Variants in MANEA observed in about 807,000 individuals in gnomAD.
MANEA encodes the protein mannosidase endo-alpha.
MANEA carries 25 observed loss-of-function variants against 36.8 expected under a neutral mutation model. That is an observed-to-expected ratio of 0.68 (90% CI 0.50 to 0.95). The LOEUF is 0.95. Ranked by LOEUF, MANEA falls within the 40% of genes least tolerant of loss-of-function variation. The probability of loss-of-function intolerance (pLI) is 0.00; values close to 1 mark genes in which losing one functional copy is unlikely to be tolerated. For missense variants in MANEA, 565 were observed against 558.8 expected, an observed-to-expected ratio of 1.01 and a Z score of -0.11; for synonymous variants, 198 against 188.5, an observed-to-expected ratio of 1.05 and a Z score of -0.41.
chr6:95,586,478 A>C lies in MANEA; in HGVS notation c.39A>C (p.Ala13=), dbSNP rs1582220990. The stretch of plus-strand genomic sequence containing the variant: ...GGAGAAGGACTTGCATCATTTTGGC[A>C]CTTTTTATTCTATTTATTTTCTCTC... The part of the protein sequence containing the change: ...KFRRRTCIIL[A]LFILFIFSLM... The change falls in exon 2 of 5, where the codon GCA becomes GCC. Residue 13 remains alanine (A), a synonymous_variant. Coordinates refer to ENST00000358812, the MANE Select transcript of MANEA (RefSeq NM_024641.4). 17 of 1,611,438 alleles carry C rather than the reference A, an allele frequency of 1.1e-5. No homozygotes were observed. In the East Asian group the frequency reaches 3.8e-4, roughly 36 times the overall value.
At chr6:95,580,057 G>A (rs898977968) in intron 1 of MANEA, among the ~76,000 whole-genome samples, 5 of 152,050 alleles carry the variant, frequency 3.3e-5, no homozygotes, top group African/African-American at 1.2e-4. Flanking sequence ...CATCTCAAGG[G>A]TCATTGTGGT....
intron 2 of MANEA, among the ~76,000 whole-genome samples, chr6:95,595,283 T>G (rs371603176): frequency 1.2e-4 from 19 of 152,330 alleles, no homozygotes; most frequent in African/African-American, 4.3e-4. Flanking sequence ...CTTACAAGAT[T>G]GTAAGTGATC....
chr6:95,597,363 C>A, intron 3 of MANEA, among the ~76,000 whole-genome samples: 1 of 151,904 alleles, frequency 6.6e-6, no homozygotes, highest in African/African-American at 2.4e-5. Flanking sequence ...ACACTTCTGA[C>A]AGTCTTAAGA....
chr6:95,607,834 TA>T lies in MANEA; in HGVS notation c.*1431del, dbSNP rs1285065880. The T allele has an allele frequency of 5.3e-5, 8 of 151,668 alleles. No individual in the cohort carries two copies. The East Asian group carries it at 1.5e-3, about 29-fold the overall frequency. 9.4% of individuals were successfully genotyped at this position (151,668 alleles called of 1,614,324 possible). On this transcript the variant is annotated 3_prime_UTR_variant, in exon 5 of 5. Coordinates refer to ENST00000358812, the MANE Select transcript of MANEA (RefSeq NM_024641.4). The stretch of plus-strand genomic sequence containing the variant: ...TGTTCCATTAAGAAGAGCAATAGAA[TA>T]ATGCTAAAAAATAATGCCTATAAAT...
chr6:95,589,343 A>T (rs1324958384), intron 2 of MANEA, among the ~76,000 whole-genome samples: 2 of 152,046 alleles, frequency 1.3e-5, no homozygotes, highest in Non-Finnish European at 2.9e-5. Context: ...TACATATTTA[A>T]CATTCATATT....
rs1562196107 is a variant in MANEA, at chr6:95,586,477, C to A, written c.38C>A (p.Ala13Glu). 6.2e-7 allele frequency: 1 copy of A among 1,611,168 alleles called. No homozygotes were observed. The highest frequency in any genetic ancestry group is 2.2e-5 in the East Asian group (1 of 44,824). ...CGGAGAAGGACTTGCATCATTTTGG[C>A]ACTTTTTATTCTATTTATTTTCTCT... is the stretch of plus-strand genomic sequence containing the variant. The part of the protein sequence containing the change: ...KFRRRTCIIL[A>E]LFILFIFSLM... Residue 13 changes from alanine (A) to glutamate (E), a missense_variant, in exon 2 of 5, where the codon GCA becomes GAA. By Grantham distance (107) the Ala-to-Glu change is moderately radical. Coordinates refer to ENST00000358812, the MANE Select transcript of MANEA (RefSeq NM_024641.4).
chr6:95,606,344 C>A lies in MANEA; in HGVS notation c.1328C>A (p.Ser443Tyr). The A allele has an allele frequency of 6.2e-7, 1 of 1,607,570 alleles. No individual in the cohort carries two copies. Among genetic ancestry groups the A allele is most frequent in the Non-Finnish European group, 8.5e-7 (1 of 1,179,786 alleles). ...TACCTAGAACTGACTCGCAAGTGGT[C>A]TGAAAAATACAGTAAGGAAAGAGCA... ...GLYLELTRKW[S>Y]EKYSKERATY... Residue 443 changes from serine to tyrosine, a missense_variant, in exon 5 of 5, where the codon TCT (serine) becomes TAT (tyrosine). Ser to Tyr is a moderately radical substitution (Grantham distance 144). Coordinates refer to ENST00000358812, the MANE Select transcript of MANEA (RefSeq NM_024641.4).
chr6:95,590,171 A>G (rs1769362093), intron 2 of MANEA: 1 of 152,188 alleles, frequency 6.6e-6, no homozygotes. Flanking sequence ...GCAAAACTGT[A>G]AGGTAATAAA....
At position 95,607,684 on chromosome 6, in the gene MANEA, C is replaced by G. The variant is rs939433604; in HGVS notation, c.*1279C>G. On this transcript the variant is annotated 3_prime_UTR_variant, in exon 5 of 5. Transcript: ENST00000358812. Reference sequence around the variant, plus strand: ...ACTTGTCATGTTGTGACAAATTGATCACTTGTGTACGAAAAATAAATCTCC... The same window carrying G: ...ACTTGTCATGTTGTGACAAATTGATGACTTGTGTACGAAAAATAAATCTCC... 2.0e-5 allele frequency: 3 copies of G among 151,622 alleles called. No individual in the cohort carries two copies. The highest frequency in any genetic ancestry group is 2.0e-4 in the Admixed American group (3 of 15,224). 9.4% of individuals were successfully genotyped at this position (151,622 alleles called of 1,614,324 possible). A position where few individuals can be genotyped will look rare whatever the true frequency, so the allele number is the denominator to read the frequency against.
intron 1 of MANEA, among the ~76,000 whole-genome samples, chr6:95,580,961 T>G (rs999513469): frequency 6.6e-6 from 1 of 152,106 alleles, no homozygotes; most frequent in Non-Finnish European, 1.5e-5. Context: ...TTAATCATCA[T>G]CATAAACAAT....
chr6:95,604,800 CCTAA>C (rs1769668080), intron 3 of MANEA, 23 bp from the exon 4 acceptor site: 2 of 974,346 alleles, frequency 2.1e-6, no homozygotes, highest in African/African-American at 1.7e-5. Flanking sequence ...TAATTTATCC[CCTAA>C]CTGATTTTAT....
In MANEA at chr6:95,606,568, T is replaced by C. The variant is rs139923844; in HGVS notation, c.*163T>C. ...CAGATAATATTATACTTGTTACCCT[T>C]CACAATACCACATGAGAAAATATCT... On this transcript the variant is annotated 3_prime_UTR_variant, in exon 5 of 5. Coordinates refer to ENST00000358812, the MANE Select transcript of MANEA (RefSeq NM_024641.4). The C allele has an allele frequency of 1.2e-3, 451 of 361,874 alleles. 3 individuals carry two copies. The highest frequency in any genetic ancestry group is 8.7e-3 in the African/African-American group (416 of 47,714). 22.4% of individuals were successfully genotyped at this position (361,874 alleles called of 1,614,324 possible).
intron 1 of MANEA, among the ~76,000 whole-genome samples, chr6:95,586,194 C>T (rs139845547): frequency 2.1e-3 from 312 of 152,104 alleles, no homozygotes; most frequent in Non-Finnish European, 3.6e-3. Flanking sequence ...TGAATATTGC[C>T]GTTTATTCTA....
intron 2 of MANEA, among the ~76,000 whole-genome samples, chr6:95,594,705 C>A (rs901764677): frequency 6.6e-6 from 1 of 152,158 alleles, no homozygotes; most frequent in African/African-American, 2.4e-5. Flanking sequence ...AAAGGATTTT[C>A]TTTTGCTTCT....
chr6:95,604,311 G>GA (rs1241861744), intron 3 of MANEA, among the ~76,000 whole-genome samples: 2 of 151,618 alleles, frequency 1.3e-5, no homozygotes, highest in Non-Finnish European at 2.9e-5. Flanking sequence ...TCACATGCCT[G>GA]AAAAAAATCC....
chr6:95,584,168 G>A (rs1769235733), intron 1 of MANEA, among the ~76,000 whole-genome samples: 1 of 152,112 alleles, frequency 6.6e-6, no homozygotes, highest in African/African-American at 2.4e-5. Flanking sequence ...TAAAACGTGT[G>A]TTTGAACAAT....
chr6:95,597,152 C>T (rs1473210772), intron 3 of MANEA, among the ~76,000 whole-genome samples: 1 of 151,778 alleles, frequency 6.6e-6, no homozygotes, highest in Non-Finnish European at 1.5e-5. Flanking sequence ...TGTCAAAAAT[C>T]TAAAAACAAG....
chr6:95,597,530 A>G (rs1032671525), intron 3 of MANEA, among the ~76,000 whole-genome samples: 5 of 152,086 alleles, frequency 3.3e-5, no homozygotes, highest in Admixed American at 6.6e-5. Flanking sequence ...TTGGTCATGT[A>G]TTAGGTAGCA....
In MANEA at chr6:95,607,271, A is replaced by G. The variant is rs1453246457; in HGVS notation, c.*866A>G. On this transcript the variant is annotated 3_prime_UTR_variant, in exon 5 of 5. Coordinates refer to ENST00000358812, the MANE Select transcript of MANEA (RefSeq NM_024641.4). ...ATTATTATGTAGATATGATGCCCAA[A>G]TATCATTTTTAGTATATCTTGTCGA... The G allele has an allele frequency of 6.6e-6, 1 of 152,112 alleles. No individual in the cohort carries two copies. Among genetic ancestry groups the G allele is most frequent in the Non-Finnish European group, 1.5e-5 (1 of 67,984 alleles). 9.4% of individuals were successfully genotyped at this position (152,112 alleles called of 1,614,324 possible).
Sources: allele counts gnomAD v4.1 joint callset (sites outside exome capture counted in the v4.1 genomes callset), GRCh38; gene constraint gnomAD v4.1.1; transcripts MANE v1.5; gene names NCBI Gene and HGNC (gene_info 2026-07-23, HGNC 2026-07-21).